AQP11: variants seen among roughly 807,000 people sequenced by gnomAD.
AQP11 encodes aquaporin-11.
In AQP11, 20 loss-of-function variants were observed where a neutral mutation model predicts 21.1. The ratio of observed to expected loss-of-function variants is 0.95; its 90% CI spans 0.67 to 1.38. AQP11 has a LOEUF of 1.38. AQP11 is among the 40% of genes most tolerant of loss of function. The pLI is 0.00. For synonymous variants in AQP11, 167 were observed against 150.1 expected (o/e 1.11, Z -0.82); for missense variants, 339 against 340.4 (o/e 1.00, Z 0.03).
Position 77,590,207 on chromosome 11 carries a change from C to A in AQP11, c.215C>A (p.Pro72His). 6.3e-7 allele frequency: 1 copy of A among 1,594,240 alleles called. No homozygotes were observed. ...CTGCAACTGCTGAGCGAACAGCACC[C>A]CGCGCACCCCACCTGGACGCTGACG... ...HELQLLSEQH[P>H]AHPTWTLTLV... Residue 72 changes from proline (P) to histidine (H), a missense_variant, in exon 1 of 3, where the codon CCC becomes CAC. Transcript: ENST00000313578.
chr11:77,599,846 A>G (rs1251045949), intron 1 of AQP11, among the ~76,000 whole-genome samples: 1 of 152,162 alleles, frequency 6.6e-6, no homozygotes, highest in Non-Finnish European at 1.5e-5. Context: ...TCAGCCTCCC[A>G]AAGTGCTGGG....
intron 2 of AQP11, among the ~76,000 whole-genome samples, chr11:77,608,627 AAAC>A (rs1958859931): frequency 6.6e-6 from 1 of 152,172 alleles, no homozygotes; most frequent in South Asian, 2.1e-4. Flanking sequence ...ACAAACAAAT[AAAC>A]AACAATTTTG....
intron 1 of AQP11, among the ~76,000 whole-genome samples, chr11:77,597,165 C>T (rs566086593): frequency 1.3e-5 from 2 of 152,166 alleles, no homozygotes; most frequent in South Asian, 2.1e-4. Context: ...ACTTTTATAA[C>T]GAAATTTGTC....
chr11:77,604,197 G>T (rs1422143879), intron 2 of AQP11, among the ~76,000 whole-genome samples: 1 of 151,980 alleles, frequency 6.6e-6, no homozygotes, highest in African/African-American at 2.4e-5. Context: ...AGCTCACTGT[G>T]CTTGAACTCC....
At chr11:77,609,257 T>G in intron 2 of AQP11, 41 bp from the exon 3 acceptor site, 1 of 1,526,572 alleles carries the variant, frequency 6.6e-7, no homozygotes, top group African/African-American at 1.4e-5. Flanking sequence ...ATGAACCTCC[T>G]TAAAGATTGT....
chr11:77,596,136 A>G (rs1958777091), intron 1 of AQP11, among the ~76,000 whole-genome samples: 1 of 152,078 alleles, frequency 6.6e-6, no homozygotes. Context: ...AGGCGGGCGG[A>G]TCACCTGAGT....
chr11:77,606,036 CAAAAAAAA>C (rs11326964), intron 2 of AQP11, among the ~76,000 whole-genome samples: 16 of 63,978 alleles, frequency 2.5e-4, no homozygotes, highest in Non-Finnish European at 4.0e-4. Flanking sequence ...GAGCGAGTCT[CAAAAAAAA>C]AAAAAAAAAA....
intron 1 of AQP11, among the ~76,000 whole-genome samples, chr11:77,593,271 TTCAGTTG>T (rs1257959260): frequency 6.6e-6 from 1 of 152,232 alleles, no homozygotes; most frequent in Non-Finnish European, 1.5e-5. Context: ...GATAAGAATA[TTCAGTTG>T]TCAGCTGTTA....
Position 77,590,217 on chromosome 11 carries a change from C to T in AQP11, c.225C>T (p.Pro75=), listed in dbSNP as rs1336521136. 1 of 1,593,648 alleles carries T rather than the reference C, an allele frequency of 6.3e-7. No homozygotes were observed. Among genetic ancestry groups the T allele is most frequent in the South Asian group, 1.1e-5 (1 of 87,410 alleles). Residue 75 remains proline, a synonymous_variant, in exon 1 of 3, where the codon CCC becomes CCT. Transcript: ENST00000313578. ...TGAGCGAACAGCACCCCGCGCACCCCACCTGGACGCTGACGCTCGTCTACT... is the reference window on the plus strand; with the variant it reads ...TGAGCGAACAGCACCCCGCGCACCCTACCTGGACGCTGACGCTCGTCTACT... The part of the protein sequence containing the change: ...QLLSEQHPAH[P]TWTLTLVYFF...
At chr11:77,593,179 A>G (rs1238961672) in intron 1 of AQP11, among the ~76,000 whole-genome samples, 3 of 152,206 alleles carry the variant, frequency 2.0e-5, no homozygotes, top group African/African-American at 7.2e-5. Context: ...AACAAAATAG[A>G]CAATTGTTGA....
At chr11:77,600,087 G>A (rs1403773624) in intron 1 of AQP11, among the ~76,000 whole-genome samples, 1 of 150,744 alleles carries the variant, frequency 6.6e-6, no homozygotes, top group Admixed American at 6.6e-5. Flanking sequence ...AGCCTTCCGA[G>A]TAGCTGGGAC....
intron 2 of AQP11, among the ~76,000 whole-genome samples, chr11:77,604,603 T>C (rs919874163): frequency 2.6e-5 from 4 of 152,168 alleles, no homozygotes; most frequent in African/African-American, 9.7e-5. Flanking sequence ...GTCATTTTCT[T>C]TAAAACACAC....
At chr11:77,608,667 CCAT>C (rs1192475398) in intron 2 of AQP11, among the ~76,000 whole-genome samples, 2 of 152,142 alleles carry the variant, frequency 1.3e-5, no homozygotes, top group Non-Finnish European at 2.9e-5. Context: ...TAAACTTCCA[CCAT>C]CGACTGAAAT....
At chr11:77,592,235 C>G (rs908390304) in intron 1 of AQP11, among the ~76,000 whole-genome samples, 2 of 151,768 alleles carry the variant, frequency 1.3e-5, no homozygotes, top group Non-Finnish European at 2.9e-5. Context: ...CCACTGCACT[C>G]CAGCCTGGGT....
In AQP11 at chr11:77,590,012, T is replaced by A. The variant is rs566212019; in HGVS notation, c.20T>A (p.Leu7His). MSPLLG[L>H]RSELQDTCTS... ...GGAGCCATGTCGCCGCTGCTGGGGC[T>A]CCGGTCCGAGCTGCAGGACACCTGC... The change falls in exon 1 of 3, where the codon CTC (leucine) becomes CAC (histidine). Residue 7 changes from leucine (L) to histidine (H), a missense_variant. Leu to His is a moderately conservative substitution (Grantham distance 99, BLOSUM62 -3). Transcript: ENST00000313578. The A allele has an allele frequency of 6.7e-7, 1 of 1,502,742 alleles. No homozygotes were observed. The highest frequency in any genetic ancestry group is 1.3e-5 in the South Asian group (1 of 76,410). The allele number at this position is 1,502,742 out of a possible 1,614,324, so 93.1% of individuals were successfully genotyped here. A position where few individuals can be genotyped will look rare whatever the true frequency, so the allele number is the denominator to read the frequency against.
At position 77,603,677 on chromosome 11, in the gene AQP11, G is replaced by C; in HGVS notation, c.736+5G>C. 6.4e-7 allele frequency: 1 copy of C among 1,553,724 alleles called. No individual in the cohort carries two copies. Among genetic ancestry groups the C allele is most frequent in the Non-Finnish European group, 8.7e-7 (1 of 1,143,002 alleles). On this transcript the variant is annotated splice_donor_5th_base_variant and intron_variant, in intron 2 of 2. Coordinates refer to ENST00000313578, the MANE Select transcript of AQP11 (RefSeq NM_173039.3). ...ACTGGCTGGCTCCTTCTTTAGGTAA[G>C]CGTATTTTTATTTAATATGTCTGAA...
chr11:77,594,802 G>A (rs761172674), intron 1 of AQP11, among the ~76,000 whole-genome samples: 28 of 151,916 alleles, frequency 1.8e-4, no homozygotes, highest in Admixed American at 1.1e-3. Flanking sequence ...TGTATTTATT[G>A]ATTTAGCACC....
Position 77,596,537 on chromosome 11 carries a change from AATAT to A in AQP11, c.619+5949_619+5952del, listed in dbSNP as rs529433093. 1.2e-3 allele frequency among the ~76,000 whole-genome samples: 106 copies of A among 86,570 alleles called. 3 individuals are homozygous for A. Among genetic ancestry groups the A allele is most frequent in the African/African-American group, 3.7e-3 (83 of 22,394 alleles). 56.8% of individuals were successfully genotyped at this position (86,570 alleles called of 152,430 possible). ...AAATATATATGTAAATATATATGTA[AATAT>A]ATATATATATATATATATATATGTA... On this transcript the variant is annotated intron_variant, in intron 1 of 2. Transcript: ENST00000313578.
intron 1 of AQP11, among the ~76,000 whole-genome samples, chr11:77,602,927 C>T (rs1010733267): frequency 2.0e-5 from 3 of 152,184 alleles, no homozygotes; most frequent in Non-Finnish European, 2.9e-5. Context: ...TCTTCCATTC[C>T]GCACTTGTGT....
Sources: allele counts gnomAD v4.1 joint callset (sites outside exome capture counted in the v4.1 genomes callset), GRCh38; gene constraint gnomAD v4.1.1; transcripts MANE v1.5; gene names NCBI Gene and HGNC (gene_info 2026-07-23, HGNC 2026-07-21).